Variants in IFT74 observed in about 807,000 individuals in gnomAD.
IFT74 encodes intraflagellar transport protein 74 homolog.
A neutral mutation model predicts 96.7 loss-of-function variants in IFT74; 92 were observed. The ratio of observed to expected loss-of-function variants is 0.95; its 90% CI spans 0.80 to 1.13. The LOEUF is 1.13. IFT74 is among the 50% of genes most tolerant of loss of function. The pLI is 0.00. For synonymous variants in IFT74, 223 were observed against 213.2 expected (o/e 1.05, Z -0.40); for missense variants, 811 against 698.2 (o/e 1.16, Z -1.82).
chr9:27,034,003 G>C (rs765335414), intron 13 of IFT74, among the ~76,000 whole-genome samples: 1 of 152,070 alleles, frequency 6.6e-6, no homozygotes, highest in Non-Finnish European at 1.5e-5. Context: ...GTACCACCGC[G>C]ATCCACAAGA....
rs1229501716 is a variant in IFT74, at chr9:27,056,398, A to G, written c.1562A>G (p.Lys521Arg). 8.7e-6 allele frequency: 14 copies of G among 1,601,026 alleles called. No homozygotes were observed. The highest frequency in any genetic ancestry group is 1.1e-5 in the Non-Finnish European group (13 of 1,172,658). The stretch of plus-strand genomic sequence containing the variant: ...AATGCCTTTAAGAAAATAATGGAGA[A>G]GCAAAACATAGAGTATGAGGCACTA... ...HRNAFKKIME[K>R]QNIEYEALKT... Residue 521 changes from lysine (K) to arginine (R), a missense_variant, in exon 18 of 20, where the codon AAG (lysine) becomes AGG (arginine). Physicochemically the swap from Lys to Arg is conservative, Grantham distance 26. Coordinates refer to ENST00000380062, the MANE Select transcript of IFT74 (RefSeq NM_025103.4).
chr9:27,059,366 A>AT (rs1290652513), intron 18 of IFT74, among the ~76,000 whole-genome samples: 1 of 152,204 alleles, frequency 6.6e-6, no homozygotes, highest in Non-Finnish European at 1.5e-5. Flanking sequence ...TTTTTGCTTC[A>AT]TGATGTCCTT....
rs1829109159 is a variant in IFT74 at position 27,012,119 on chromosome 9, A to AAG, written c.789+153_789+154dup. ...TTTTTCTTCCTATTCTGGACCCACAAAGATCCTAGTATGGTAAGAAATTAG... is the reference window on the plus strand; with the variant it reads ...TTTTTCTTCCTATTCTGGACCCACAAAGAGATCCTAGTATGGTAAGAAATTAG... On this transcript the variant is annotated intron_variant, in intron 10 of 19. Transcript: ENST00000380062. The AAG allele has an allele frequency of 2.4e-5, 12 of 494,786 alleles. No homozygotes were observed. The East Asian group carries it at 4.0e-4, about 16-fold the overall frequency. The allele number at this position is 494,786 out of a possible 1,614,324, so 30.6% of individuals were successfully genotyped here.
chr9:26,980,715 C>G, intron 4 of IFT74, 96 bp downstream of exon 4: 1 of 728,420 alleles, frequency 1.4e-6, no homozygotes, highest in Non-Finnish European at 2.3e-6. Context: ...GAAGTTTTAG[C>G]TAGGCACTTA....
intron 12 of IFT74, among the ~76,000 whole-genome samples, chr9:27,022,938 G>A (rs62542672): frequency 0.1 from 15,204 of 152,010 alleles, 1,006 homozygotes; most frequent in South Asian, 0.26. Context: ...GCGCCCGACC[G>A]AGTTCTTGAT....
chr9:26,976,547 A>G (rs1827136110), intron 2 of IFT74: 3 of 325,156 alleles, frequency 9.2e-6, no homozygotes, highest in South Asian at 7.8e-5. Flanking sequence ...GCATGATGGG[A>G]GAGAGGGGAG....
At position 27,055,645 on chromosome 9, in the gene IFT74, A is replaced by C. The variant is rs1370084841; in HGVS notation, c.1370A>C (p.Glu457Ala). 6.3e-7 allele frequency: 1 copy of C among 1,584,338 alleles called. No homozygotes were observed. The highest frequency in any genetic ancestry group is 8.5e-7 in the Non-Finnish European group (1 of 1,169,786). The change falls in exon 17 of 20, where the codon GAG becomes GCG. Residue 457 changes from glutamate (E) to alanine (A), a missense_variant. By Grantham distance (107) the Glu-to-Ala change is moderately radical. Transcript: ENST00000380062. The stretch of plus-strand genomic sequence containing the variant: ...CTGCAGTTGGATCTGCAGAAAATGG[A>C]GCTTCTAGAAAGTAAGATGACTGAA... ...QRLQLDLQKM[E>A]LLESKMTEEQ...
intron 3 of IFT74, among the ~76,000 whole-genome samples, chr9:26,979,570 T>C (rs2131528421): frequency 6.6e-6 from 1 of 152,170 alleles, no homozygotes; most frequent in South Asian, 2.1e-4. Flanking sequence ...GTGCCCCATT[T>C]CCCAGTATAA....
At position 26,957,368 on chromosome 9, in the gene IFT74, C is replaced by T. The variant is rs142313986; in HGVS notation, c.-20+852C>T. ...ACTGGAAAGAGATGTTTATTGTACT[C>T]GTTTTCTTCTGGAAAAACCATTTTG... On this transcript the variant is annotated intron_variant, in intron 1 of 19. Transcript: ENST00000380062. Among the ~76,000 whole-genome samples, 478 of 152,272 alleles carry T rather than the reference C, an allele frequency of 3.1e-3. 1 individual carries two copies. Among genetic ancestry groups the T allele is most frequent in the Middle Eastern group, 0.014 (4 of 294 alleles).
intron 4 of IFT74, chr9:26,982,335 G>C (rs1001728512): frequency 2.3e-6 from 1 of 439,320 alleles, no homozygotes; most frequent in African/African-American, 2.1e-5. Flanking sequence ...GGGATCTCAC[G>C]TCACTGCAAC....
At chr9:27,032,959 A>T (rs1424836227) in intron 13 of IFT74, among the ~76,000 whole-genome samples, 1 of 152,182 alleles carries the variant, frequency 6.6e-6, no homozygotes, top group Admixed American at 6.5e-5. Flanking sequence ...TTAAATATGA[A>T]TCTGGCATGT....
intron 18 of IFT74, among the ~76,000 whole-genome samples, chr9:27,056,779 T>A (rs1820178115): frequency 6.6e-6 from 1 of 151,906 alleles, no homozygotes; most frequent in African/African-American, 2.4e-5. Flanking sequence ...ACAAATAAAA[T>A]AAATTCTAAT....
At chr9:26,979,903 T>C (rs1041908346) in intron 3 of IFT74, among the ~76,000 whole-genome samples, 4 of 151,706 alleles carry the variant, frequency 2.6e-5, no homozygotes, top group Non-Finnish European at 5.9e-5. Context: ...TTAGTAGAGA[T>C]GGGGTTTCAC....
chr9:27,056,858 G>GGATAGATAGATAGATA (rs56131867), intron 18 of IFT74, among the ~76,000 whole-genome samples: 5 of 144,572 alleles, frequency 3.5e-5, no homozygotes, highest in East Asian at 2.0e-4. Context: ...TTTAGTCAAT[G>GGATAGATAGATAGATA]GATAGATAGA....
chr9:27,045,590 T>C (rs1021280581), intron 14 of IFT74, among the ~76,000 whole-genome samples: 3 of 152,204 alleles, frequency 2.0e-5, no homozygotes, highest in African/African-American at 7.2e-5. Flanking sequence ...AATCTCAGCC[T>C]GATTTTATAA....
chr9:27,036,651 A>G, intron 13 of IFT74: 4 of 1,403,018 alleles, frequency 2.9e-6, no homozygotes, highest in Non-Finnish European at 3.7e-6. Context: ...CATTTTATTC[A>G]TTGGCTACTT....
chr9:26,955,520 G>A (rs1826053504), upstream of IFT74, among the ~76,000 whole-genome samples: 1 of 152,042 alleles, frequency 6.6e-6, no homozygotes, highest in Admixed American at 6.6e-5. Flanking sequence ...GGTGTTGGGG[G>A]GCAGGGTAAG....
chr9:27,033,573 C>CAA (rs558712485), intron 13 of IFT74, among the ~76,000 whole-genome samples: 6,502 of 66,154 alleles, frequency 0.098, 223 homozygotes, highest in Middle Eastern at 0.24. Context: ...GACCCTGTCT[C>CAA]AAAAAAAAAA....
chr9:26,947,219 C>A lies in IFT74; in HGVS notation c.-20+73C>A, dbSNP rs1286637752. ...GGCGGCTGGGAAGGGGCGCGCCGAG[C>A]GGGCCGAGTGACACAGCAAGCCTGA... On this transcript the variant is annotated intron_variant, in intron 1 of 19. Transcript: ENST00000433700. 1.6e-5 allele frequency: 11 copies of A among 689,670 alleles called. No homozygotes were observed. In the African/African-American group the frequency reaches 1.7e-4, roughly 11 times the overall value. 42.7% of individuals were successfully genotyped at this position (689,670 alleles called of 1,614,324 possible). A position where few individuals can be genotyped will look rare whatever the true frequency, so the allele number is the denominator to read the frequency against.
Sources: gnomAD v4.1 joint callset for allele counts (sites outside exome capture counted in the v4.1 genomes callset) on GRCh38, gnomAD v4.1.1 for gene constraint, MANE v1.5 for transcripts, NCBI Gene and HGNC (gene_info 2026-07-23, HGNC 2026-07-21) for gene names.